SMYD3: variants seen among roughly 807,000 people sequenced by gnomAD.
SMYD3 encodes the protein SET and MYND domain containing 3.
Under a neutral mutation model 57.7 loss-of-function variants are expected in SMYD3, and 36 were observed. That is an observed-to-expected ratio of 0.62 (90% confidence interval 0.48 to 0.82). The LOEUF is 0.82. Ranked by LOEUF, SMYD3 falls within the 40% of genes least tolerant of loss-of-function variation. SMYD3 has a pLI of 0.00. For missense variants in SMYD3, 515 were observed against 538.8 expected, an observed-to-expected ratio of 0.96 and a Z score of 0.44; for synonymous variants, 211 against 195.0, an observed-to-expected ratio of 1.08 and a Z score of -0.68.
chr1:245,791,726 C>T (rs2047278692), intron 10 of SMYD3, among the ~76,000 whole-genome samples: 1 of 152,164 alleles, frequency 6.6e-6, no homozygotes, highest in Admixed American at 6.5e-5. Context: ...TAGCCTTCAG[C>T]TAGATTGTGT....
At chr1:245,961,889 C>T (rs530508691) in intron 5 of SMYD3, among the ~76,000 whole-genome samples, 1 of 152,306 alleles carries the variant, frequency 6.6e-6, no homozygotes, top group East Asian at 1.9e-4. Flanking sequence ...ATACAGTAAG[C>T]TGCCGGATAA....
chr1:246,407,475 A>G (rs2066885223), intron 1 of SMYD3, among the ~76,000 whole-genome samples: 1 of 152,234 alleles, frequency 6.6e-6, no homozygotes, highest in African/African-American at 2.4e-5. Flanking sequence ...AAACATTTAT[A>G]TAAAACAATG....
chr1:246,263,293 C>T (rs555043543), intron 5 of SMYD3, among the ~76,000 whole-genome samples: 2 of 152,276 alleles, frequency 1.3e-5, no homozygotes, highest in East Asian at 1.9e-4. Context: ...ATTCTAACAG[C>T]ATCTACTGTG....
At chr1:246,502,135 C>CTTTTT (rs56336266) in intron 1 of SMYD3, among the ~76,000 whole-genome samples, 12 of 145,980 alleles carry the variant, frequency 8.2e-5, no homozygotes, top group Non-Finnish European at 1.2e-4. Context: ...ATGCAGCTGC[C>CTTTTT]TTTTTTTTTT....
At chr1:246,291,966 T>A (rs2064700606) in intron 5 of SMYD3, among the ~76,000 whole-genome samples, 1 of 149,612 alleles carries the variant, frequency 6.7e-6, no homozygotes, top group Non-Finnish European at 1.5e-5. Flanking sequence ...CACACCAGCA[T>A]CTTAGACTTA....
chr1:246,220,801 A>G lies in SMYD3; in HGVS notation c.531+106400T>C, dbSNP rs527694432. 3.9e-5 allele frequency among the ~76,000 whole-genome samples: 6 copies of G among 152,226 alleles called. No individual in the cohort carries two copies. The South Asian group carries it at 1.2e-3, about 32-fold the overall frequency. ...GGCCACCTATGGACCAATCAGTGCA[A>G]ACTTCCTCCCCTCTGAGGCCTGTAA... is the stretch of plus-strand genomic sequence containing the variant. On this transcript the variant is annotated intron_variant, in intron 5 of 11. Transcript: ENST00000490107.
At chr1:246,068,824 T>A (rs1358558075) in intron 5 of SMYD3, among the ~76,000 whole-genome samples, 3 of 152,202 alleles carry the variant, frequency 2.0e-5, no homozygotes, top group Non-Finnish European at 4.4e-5. Flanking sequence ...ATAACAGCCA[T>A]CCTTTTGCAA....
At chr1:246,252,324 T>A (rs1390514052) in intron 5 of SMYD3, among the ~76,000 whole-genome samples, 4 of 152,170 alleles carry the variant, frequency 2.6e-5, no homozygotes, top group Non-Finnish European at 4.4e-5. Context: ...GTATACACAA[T>A]GATAATAAAA....
intron 5 of SMYD3, among the ~76,000 whole-genome samples, chr1:245,955,594 A>G (rs924163127): frequency 3.3e-5 from 5 of 152,212 alleles, no homozygotes; most frequent in African/African-American, 1.2e-4. Flanking sequence ...GAGTATAGAT[A>G]GTACAGTATA....
rs60532931 is a variant in SMYD3 at position 246,127,896 on chromosome 1, AAAAAG to A, written c.532-197964_532-197960del. Among the ~76,000 whole-genome samples the A allele has an allele frequency of 5.8e-3, 860 of 147,888 alleles. 3 individuals are homozygous for A. The highest frequency in any genetic ancestry group is 9.7e-3 in the African/African-American group (391 of 40,254). ...GGGAGACAGAGCAAGACTCTGTCTC[AAAAAG>A]AAAAGAAAAGAAAAGAAAAGAAAAA... On this transcript the variant is annotated intron_variant, in intron 5 of 11. Transcript: ENST00000490107.
At chr1:246,418,768 A>G (rs2067100126) in intron 1 of SMYD3, among the ~76,000 whole-genome samples, 1 of 151,974 alleles carries the variant, frequency 6.6e-6, no homozygotes, top group African/African-American at 2.4e-5. Context: ...CTGCTGGCCG[A>G]CGGCCTCCCA....
At chr1:246,149,526 C>T (rs540486453) in intron 5 of SMYD3, among the ~76,000 whole-genome samples, 1 of 152,240 alleles carries the variant, frequency 6.6e-6, no homozygotes, top group South Asian at 2.1e-4. Flanking sequence ...TAACTACCTT[C>T]ACCAACAAAG....
At chr1:246,063,991 G>A (rs1342854000) in intron 5 of SMYD3, among the ~76,000 whole-genome samples, 1 of 152,138 alleles carries the variant, frequency 6.6e-6, no homozygotes, top group African/African-American at 2.4e-5. Flanking sequence ...ACTCTTTTCT[G>A]CACAGCGACT....
intron 2 of SMYD3, among the ~76,000 whole-genome samples, chr1:246,352,268 T>C (rs2065843866): frequency 6.6e-6 from 1 of 151,868 alleles, no homozygotes; most frequent in Non-Finnish European, 1.5e-5. Context: ...GACAACTTGA[T>C]GCCATGGTCC....
intron 5 of SMYD3, among the ~76,000 whole-genome samples, chr1:246,277,248 A>G (rs1328544798): frequency 6.6e-6 from 1 of 152,224 alleles, no homozygotes; most frequent in Non-Finnish European, 1.5e-5. Flanking sequence ...ATGACCAATA[A>G]GCCTATATAT....
At chr1:246,269,877 A>C (rs2064185862) in intron 5 of SMYD3, among the ~76,000 whole-genome samples, 1 of 152,150 alleles carries the variant, frequency 6.6e-6, no homozygotes, top group Non-Finnish European at 1.5e-5. Flanking sequence ...CCAGCGGTCA[A>C]GTATTATTCC....
At chr1:245,885,188 A>G (rs955188686) in intron 8 of SMYD3, among the ~76,000 whole-genome samples, 1 of 152,208 alleles carries the variant, frequency 6.6e-6, no homozygotes, top group Admixed American at 6.5e-5. Context: ...ACCGGAAGGA[A>G]GAAACTCTGG....
At chr1:246,164,740 G>C (rs2062177798) in intron 5 of SMYD3, among the ~76,000 whole-genome samples, 1 of 152,230 alleles carries the variant, frequency 6.6e-6, no homozygotes, top group Non-Finnish European at 1.5e-5. Flanking sequence ...TGCTCTCATG[G>C]AGTTTATGTT....
At chr1:246,221,195 G>C (rs1572233418) in intron 5 of SMYD3, among the ~76,000 whole-genome samples, 1 of 152,296 alleles carries the variant, frequency 6.6e-6, no homozygotes, top group South Asian at 2.1e-4. Flanking sequence ...CCTACCAGCA[G>C]AGGGGAGCAA....
Sources: gnomAD v4.1 joint callset for allele counts (sites outside exome capture counted in the v4.1 genomes callset) on GRCh38, gnomAD v4.1.1 for gene constraint, MANE v1.5 for transcripts, NCBI Gene and HGNC (gene_info 2026-07-23, HGNC 2026-07-21) for gene names.